MACROD2: variants seen among roughly 807,000 people sequenced by gnomAD.
MACROD2 encodes the protein ADP-ribose glycohydrolase MACROD2.
In MACROD2, 36 loss-of-function variants were observed where a neutral mutation model predicts 70.4. That is an observed-to-expected ratio of 0.51 (90% CI 0.39 to 0.68). The LOEUF (loss-of-function observed/expected upper bound fraction) is 0.68, where lower values mean the gene tolerates loss of function less well. MACROD2 is among the 30% of genes least tolerant of loss of function. MACROD2 has a pLI of 0.00. For missense variants in MACROD2, 496 were observed against 538.4 expected, an observed-to-expected ratio of 0.92 and a Z score of 0.78; for synonymous variants, 172 against 178.8, an observed-to-expected ratio of 0.96 and a Z score of 0.30.
intron 6 of MACROD2, among the ~76,000 whole-genome samples, chr20:15,385,804 C>A (rs2045705111): frequency 6.6e-6 from 1 of 152,094 alleles, no homozygotes; most frequent in Admixed American, 6.6e-5. Context: ...CTATTTAATC[C>A]TAAAATTATT....
At chr20:15,954,962 A>T (rs1214733566) in intron 12 of MACROD2, among the ~76,000 whole-genome samples, 1 of 152,222 alleles carries the variant, frequency 6.6e-6, no homozygotes, top group Non-Finnish European at 1.5e-5. Flanking sequence ...CTGAGGCCAC[A>T]TAACTAGGTT....
At chr20:15,011,658 C>T (rs915536661) in intron 5 of MACROD2, among the ~76,000 whole-genome samples, 3 of 152,164 alleles carry the variant, frequency 2.0e-5, no homozygotes, top group Non-Finnish European at 4.4e-5. Flanking sequence ...TCTCCACTCT[C>T]TCATGACTTA....
intron 8 of MACROD2, among the ~76,000 whole-genome samples, chr20:15,718,154 A>G (rs2050733807): frequency 6.6e-6 from 1 of 151,164 alleles, no homozygotes; most frequent in African/African-American, 2.4e-5. Context: ...TACAGGCGCT[A>G]ATTTTTGTGT....
At chr20:15,301,252 A>G (rs1054631260) in intron 6 of MACROD2, among the ~76,000 whole-genome samples, 12 of 152,180 alleles carry the variant, frequency 7.9e-5, no homozygotes, top group African/African-American at 2.4e-4. Flanking sequence ...CTTTTACCTC[A>G]TCCCTTTTTG....
intron 2 of MACROD2, among the ~76,000 whole-genome samples, chr20:14,009,987 G>C (rs895501429): frequency 1.3e-5 from 2 of 152,110 alleles, no homozygotes; most frequent in Non-Finnish European, 2.9e-5. Context: ...AGGATGGGAG[G>C]AGTGAGAGCA....
chr20:14,942,723 A>G lies in MACROD2; in HGVS notation c.418+257764A>G, dbSNP rs1323950461. On this transcript the variant is annotated intron_variant, in intron 5 of 17. Transcript: ENST00000684519. ...TAAAAGGCTTATGGTATGCTCAGGC[A>G]TGACTTCGGACTGAATGTCACGTCT... Among the ~76,000 whole-genome samples the G allele has an allele frequency of 2.0e-5, 3 of 152,056 alleles. No individual in the cohort carries two copies. The South Asian group carries it at 6.2e-4, about 32-fold the overall frequency.
At chr20:14,552,536 T>C (rs1978728303) in intron 4 of MACROD2, among the ~76,000 whole-genome samples, 1 of 151,788 alleles carries the variant, frequency 6.6e-6, no homozygotes, top group Non-Finnish European at 1.5e-5. Flanking sequence ...CATACATCAC[T>C]TAAAGACAAG....
At chr20:15,217,132 A>G (rs2076817347) in intron 5 of MACROD2, among the ~76,000 whole-genome samples, 2 of 152,202 alleles carry the variant, frequency 1.3e-5, no homozygotes, top group Admixed American at 1.3e-4. Context: ...AGAAGCAAAG[A>G]AACCAGTAAT....
rs190511460 is a variant in MACROD2 at position 15,276,354 on chromosome 20, T to C, written c.540+46293T>C. Among the ~76,000 whole-genome samples, 474 of 149,030 alleles carry C rather than the reference T, an allele frequency of 3.2e-3. 1 individual carries two copies. The highest frequency in any genetic ancestry group is 0.011 in the African/African-American group (445 of 40,180). ...GGCGGAGCTTGCAGTGAGCCGAGAT[T>C]GTGCCACTGCACTCTGGCCTGGGCG... On this transcript the variant is annotated intron_variant, in intron 6 of 17. Coordinates refer to ENST00000684519, the MANE Select transcript of MACROD2 (RefSeq NM_001351661.2).
intron 4 of MACROD2, among the ~76,000 whole-genome samples, chr20:14,635,311 TG>T (rs1184726114): frequency 6.6e-6 from 1 of 152,184 alleles, no homozygotes; most frequent in Non-Finnish European, 1.5e-5. Context: ...TGTCATGGTT[TG>T]GGCTAGAGGT....
chr20:15,629,094 T>C (rs975414083), intron 8 of MACROD2, among the ~76,000 whole-genome samples: 1 of 152,208 alleles, frequency 6.6e-6, no homozygotes, highest in African/African-American at 2.4e-5. Flanking sequence ...TACTCTTGTA[T>C]ATTGGGTGAA....
intron 4 of MACROD2, among the ~76,000 whole-genome samples, chr20:14,603,811 T>TGA (rs1191540156): frequency 4.6e-5 from 7 of 152,176 alleles, no homozygotes; most frequent in African/African-American, 1.7e-4. Context: ...ATCTTATACT[T>TGA]AGTCTGGCAG....
In MACROD2 at chr20:16,052,283, C is replaced by T. The variant is rs1427649209; in HGVS notation, c.*2407C>T. 6.6e-6 allele frequency: 1 copy of T among 152,208 alleles called. No individual in the cohort carries two copies. The highest frequency in any genetic ancestry group is 1.9e-4 in the East Asian group (1 of 5,204). 9.4% of individuals were successfully genotyped at this position (152,208 alleles called of 1,614,324 possible). A position where few individuals can be genotyped will look rare whatever the true frequency, so the allele number is the denominator to read the frequency against. ...ATTAACAATCTAACTATAGCCAGAT[C>T]AAAGACACCTGAACACAGAAAACCT... On this transcript the variant is annotated 3_prime_UTR_variant, in exon 18 of 18. Coordinates refer to ENST00000684519, the MANE Select transcript of MACROD2 (RefSeq NM_001351661.2).
intron 8 of MACROD2, among the ~76,000 whole-genome samples, chr20:15,541,818 GA>G (rs1433691903): frequency 6.6e-6 from 1 of 152,146 alleles, no homozygotes; most frequent in Non-Finnish European, 1.5e-5. Context: ...CACAACCTTT[GA>G]AAAGAATCTC....
intron 3 of MACROD2, among the ~76,000 whole-genome samples, chr20:14,169,317 G>T (rs113087583): frequency 6.6e-6 from 1 of 151,600 alleles, no homozygotes; most frequent in Non-Finnish European, 1.5e-5. Flanking sequence ...TTTGGGGGGG[G>T]GCGGTGGACA....
At chr20:15,213,490 A>G (rs978319761) in intron 5 of MACROD2, among the ~76,000 whole-genome samples, 2 of 152,042 alleles carry the variant, frequency 1.3e-5, no homozygotes, top group African/African-American at 4.8e-5. Context: ...CTTCTCCCCA[A>G]AGAATTGTTT....
At chr20:15,794,434 G>A (rs781232933) in intron 8 of MACROD2, among the ~76,000 whole-genome samples, 10 of 152,198 alleles carry the variant, frequency 6.6e-5, no homozygotes, top group Non-Finnish European at 1.3e-4. Flanking sequence ...AGCTGGGGCA[G>A]AAAACCTGAG....
chr20:15,729,831 C>CTTTTTTTTTTTTTTTTTTTTTTT lies in MACROD2; in HGVS notation c.646-132899_646-132898insTTTTTTTTTTTTTTTTTTTTTTT, dbSNP rs61542762. Among the ~76,000 whole-genome samples, 8 of 64,778 alleles carry CTTTTTTTTTTTTTTTTTTTTTTT rather than the reference C, an allele frequency of 1.2e-4. 1 individual carries two copies. The highest frequency in any genetic ancestry group is 2.1e-4 in the Admixed American group (1 of 4,822). The allele number at this position is 64,778 out of a possible 152,430, so 42.5% of individuals were successfully genotyped here. ...GAACACAGCATGCAGTTGGGTCATGCTTTTTTTTTTTTTTTGGATGGAGTT... is the reference window on the plus strand; with the variant it reads ...GAACACAGCATGCAGTTGGGTCATGCTTTTTTTTTTTTTTTTTTTTTTTTTTTTTTTTTTTTTTGGATGGAGTT... On this transcript the variant is annotated intron_variant, in intron 8 of 17. Transcript: ENST00000684519.
intron 8 of MACROD2, among the ~76,000 whole-genome samples, chr20:15,639,963 AAG>A (rs2049430708): frequency 6.7e-6 from 1 of 148,610 alleles, no homozygotes; most frequent in Non-Finnish European, 1.5e-5. Context: ...GGATGAGAGA[AAG>A]AAGGAGAAAG....
Sources: gnomAD v4.1 joint callset for allele counts (sites outside exome capture counted in the v4.1 genomes callset) on GRCh38, gnomAD v4.1.1 for gene constraint, MANE v1.5 for transcripts, NCBI Gene and HGNC (gene_info 2026-07-23, HGNC 2026-07-21) for gene names.